The following KDM5C variants were observed in gnomAD, a reference collection of about 807,000 sequenced individuals.
The protein encoded by KDM5C is lysine-specific demethylase 5C.
A neutral mutation model predicts 110.6 loss-of-function variants in KDM5C; 16 were observed. That is an observed-to-expected ratio of 0.14 (90% confidence interval 0.10 to 0.22). The LOEUF is 0.22. Ranked by LOEUF, KDM5C falls within the 10% of genes least tolerant of loss-of-function variation. The pLI, the probability that KDM5C is intolerant of heterozygous loss-of-function variation, is 1.00. For missense variants in KDM5C, 681 were observed against 1,300.9 expected (o/e 0.52, Z 7.33); for synonymous variants, 511 against 520.4 (o/e 0.98, Z 0.24).
intron 12 of KDM5C, among the ~76,000 whole-genome samples, chrX:53,209,503 A>G (rs2073493626): frequency 8.9e-6 from 1 of 112,215 alleles, no homozygotes. Context: ...TACTGTACAG[A>G]TATCTAGGAA....
chrX:53,207,903 C>T (rs1230306392), intron 12 of KDM5C, among the ~76,000 whole-genome samples: 2 of 97,096 alleles, frequency 2.1e-5, no homozygotes, highest in Admixed American at 2.5e-4. Context: ...GAGCTGAGAT[C>T]GTGAGCCGAG....
chrX:53,209,741 A>G (rs948551375), intron 12 of KDM5C, among the ~76,000 whole-genome samples: 1 of 112,237 alleles, frequency 8.9e-6, no homozygotes, highest in African/African-American at 3.2e-5. Flanking sequence ...TCAATGCTAG[A>G]AATTCCCAGG....
At chrX:53,218,864 G>A (rs1475762157) in intron 2 of KDM5C, 3 of 239,000 alleles carry the variant, frequency 1.3e-5, no homozygotes, top group African/African-American at 5.8e-5. Context: ...ACAAGCCACT[G>A]CACCACTGCA....
chrX:53,181,889 C>T (rs781826665), intron 25 of KDM5C, among the ~76,000 whole-genome samples: 2 of 108,452 alleles, frequency 1.8e-5, no homozygotes, highest in South Asian at 8.1e-4. Flanking sequence ...GCTGGGTTCA[C>T]ACCATTCTCC....
At chrX:53,179,493 C>G (rs1456535530) in intron 25 of KDM5C, among the ~76,000 whole-genome samples, 1 of 111,263 alleles carries the variant, frequency 9.0e-6, no homozygotes, top group African/African-American at 3.3e-5. Context: ...GCAAAAGAAG[C>G]CTGGCATGGT....
intron 12 of KDM5C, among the ~76,000 whole-genome samples, chrX:53,206,627 A>C (rs1556845388): frequency 9.1e-6 from 1 of 110,347 alleles, no homozygotes. Context: ...AGTTTGAGAG[A>C]CCGAGGCGGG....
chrX:53,215,317 T>A, intron 7 of KDM5C: 1 of 312,987 alleles, frequency 3.2e-6, no homozygotes. Flanking sequence ...AAACAAAACA[T>A]GGCAACAGGG....
intron 25 of KDM5C, among the ~76,000 whole-genome samples, chrX:53,182,340 C>T (rs1407196391): frequency 9.0e-6 from 1 of 111,590 alleles, no homozygotes; most frequent in East Asian, 2.8e-4. Context: ...ACCTTAGCCT[C>T]CCAAAGTGCT....
intron 20 of KDM5C, 81 bp downstream of exon 20, chrX:53,195,835 G>A: frequency 9.2e-7 from 1 of 1,090,178 alleles, no homozygotes; most frequent in East Asian, 3.2e-5. Flanking sequence ...ACCCATCCCA[G>A]CAACCCAGCA....
At position 53,192,883 on chromosome X, in the gene KDM5C, C is replaced by CCCCCCCCCA; in HGVS notation, c.*83_*84insTGGGGGGGG. ...GCCACCCCCCTACCCGCCCACCCCC[C>CCCCCCCCCA]AAGAAGCAGGCTTGATGGTCAGAAA... On this transcript the variant is annotated 3_prime_UTR_variant, in exon 26 of 26. Transcript: ENST00000375401. 2 of 1,063,268 alleles carry CCCCCCCCCA rather than the reference C, an allele frequency of 1.9e-6. No homozygotes were observed. The highest frequency in any genetic ancestry group is 1.2e-6 in the Non-Finnish European group (1 of 809,500). The allele number at this position is 1,063,268 out of a possible 1,213,427, so 87.6% of individuals were successfully genotyped here. A position where few individuals can be genotyped will look rare whatever the true frequency, so the allele number is the denominator to read the frequency against.
intron 12 of KDM5C, among the ~76,000 whole-genome samples, chrX:53,207,178 C>CA (rs56948247): frequency 0.055 from 2,204 of 40,158 alleles, 107 homozygotes; most frequent in African/African-American, 0.12. Flanking sequence ...ACTCCTTCTC[C>CA]AAAAAAAAAA....
At chrX:53,211,299 G>A (rs1402046829) in intron 10 of KDM5C, among the ~76,000 whole-genome samples, 198 bp downstream of exon 10, 1 of 111,903 alleles carries the variant, frequency 8.9e-6, no homozygotes, top group Admixed American at 9.5e-5. Flanking sequence ...AAGGAAATGG[G>A]CTCACAGAGG....
chrX:53,195,576 G>C (rs1934781117), intron 20 of KDM5C, 166 bp from the exon 21 acceptor site: 1 of 531,999 alleles, frequency 1.9e-6, no homozygotes, highest in African/African-American at 2.3e-5. Context: ...CACAACACCG[G>C]CATCTACTGA....
chrX:53,220,811 C>A (rs1471714796), intron 2 of KDM5C, 28 bp downstream of exon 2: 4 of 1,158,868 alleles, frequency 3.5e-6, no homozygotes, highest in Non-Finnish European at 4.7e-6. Flanking sequence ...ATTCTCCCAA[C>A]CCCACCACCA....
chrX:53,206,470 A>G (rs928722055), intron 12 of KDM5C, among the ~76,000 whole-genome samples: 1 of 111,969 alleles, frequency 8.9e-6, no homozygotes, highest in Non-Finnish European at 1.9e-5. Context: ...ATCATACCGC[A>G]ATAAAACTTT....
Position 53,192,921 on chromosome X carries a change from G to C in KDM5C, c.*46C>G. The C allele has an allele frequency of 5.8e-6, 6 of 1,036,833 alleles. No homozygotes were observed. The highest frequency in any genetic ancestry group is 7.5e-6 in the Non-Finnish European group (6 of 797,211). The allele number at this position is 1,036,833 out of a possible 1,213,427, so 85.4% of individuals were successfully genotyped here. ...TGATGGTCAGAAAGAGGATCCTTGA[G>C]GCCGAGGGGGGTCTCTGTCAGGGTC... is the stretch of plus-strand genomic sequence containing the variant. On this transcript the variant is annotated 3_prime_UTR_variant, in exon 26 of 26. Coordinates refer to ENST00000375401, the MANE Select transcript of KDM5C (RefSeq NM_004187.5).
intron 1 of KDM5C, 50 bp from the exon 2 acceptor site, chrX:53,220,966 A>G: frequency 9.4e-7 from 1 of 1,062,538 alleles, no homozygotes; most frequent in Non-Finnish European, 1.3e-6. Flanking sequence ...AGCATAGTGT[A>G]AGACCGGAAG....
At chrX:53,219,839 C>G (rs2073850172) in intron 2 of KDM5C, among the ~76,000 whole-genome samples, 1 of 112,245 alleles carries the variant, frequency 8.9e-6, no homozygotes. Context: ...TACAGAAAAC[C>G]TGCCCTTGTG....
intron 14 of KDM5C, among the ~76,000 whole-genome samples, chrX:53,200,862 T>C (rs911631379): frequency 8.9e-6 from 1 of 112,188 alleles, no homozygotes; most frequent in Non-Finnish European, 1.9e-5. Flanking sequence ...CACACACAAC[T>C]GACACAAGCT....
Sources: allele counts gnomAD v4.1 joint callset (sites outside exome capture counted in the v4.1 genomes callset), GRCh38; gene constraint gnomAD v4.1.1; transcripts MANE v1.5; gene names NCBI Gene and HGNC (gene_info 2026-07-23, HGNC 2026-07-21).